The following COL27A1 variants were observed in gnomAD, a reference collection of about 807,000 sequenced individuals.
The protein encoded by COL27A1 is collagen type XXVII alpha 1 chain, also known as collagen alpha-1(XXVII) chain.
COL27A1 carries 106 observed loss-of-function variants against 251.3 expected under a neutral mutation model. The observed-to-expected ratio is 0.42, with a 90% CI of 0.36 to 0.50. COL27A1 has a LOEUF of 0.50. Among genes scored for constraint, COL27A1 ranks in the 20% least tolerant of loss-of-function variants. COL27A1 has a pLI of 0.00. For missense variants in COL27A1, 2,325 were observed against 2,522.8 expected, an observed-to-expected ratio of 0.92 and a Z score of 1.68; for synonymous variants, 1,000 against 986.3, an observed-to-expected ratio of 1.01 and a Z score of -0.26.
chr9:114,169,368 A>T lies in COL27A1; in HGVS notation c.1813A>T (p.Thr605Ser), dbSNP rs899817728. 11 of 1,611,560 alleles carry T rather than the reference A, an allele frequency of 6.8e-6. No homozygotes were observed. Among genetic ancestry groups the T allele is most frequent in the Non-Finnish European group, 9.3e-6 (11 of 1,179,438 alleles). The change falls in exon 3 of 61, where the codon ACG (threonine) becomes TCG (serine). Residue 605 changes from threonine to serine, a missense_variant. Physicochemically the swap from Thr to Ser is moderately conservative, Grantham distance 58 (BLOSUM62 1). This residue lies in a region of COL27A1 where 1,183 missense variants were observed against 1,144.1 expected (regional missense o/e 1.03). Coordinates refer to ENST00000356083, the MANE Select transcript of COL27A1 (RefSeq NM_032888.4). ...ATTCCTGTCCTCCAGCCCCCGGCCCACGAGCAGTGGCTATTCGATCTTCCA... is the reference window on the plus strand; with the variant it reads ...ATTCCTGTCCTCCAGCCCCCGGCCCTCGAGCAGTGGCTATTCGATCTTCCA... The part of the protein sequence containing the change: ...AQFLSSSPRP[T>S]SSGYSIFHLA...
At chr9:114,231,159 A>G in intron 15 of COL27A1, 27 bp downstream of exon 15, 2 of 1,611,268 alleles carry the variant, frequency 1.2e-6, no homozygotes, top group Non-Finnish European at 1.7e-6. Context: ...CCCCCGATTC[A>G]GGCCTTGTCC....
At chr9:114,287,683 G>A (rs1165551152) in intron 41 of COL27A1, among the ~76,000 whole-genome samples, 1 of 152,166 alleles carries the variant, frequency 6.6e-6, no homozygotes, top group Non-Finnish European at 1.5e-5. Context: ...AGGCGCTCCA[G>A]TCCCGCTCTG....
At chr9:114,187,047 C>T (rs554572159) in intron 5 of COL27A1, among the ~76,000 whole-genome samples, 24 of 152,360 alleles carry the variant, frequency 1.6e-4, no homozygotes, top group African/African-American at 5.8e-4. Context: ...CTGCAGTGAA[C>T]TAGCCAGGAT....
chr9:114,263,709 G>A (rs1480936220), intron 28 of COL27A1, among the ~76,000 whole-genome samples: 1 of 152,178 alleles, frequency 6.6e-6, no homozygotes, highest in Admixed American at 6.5e-5. Flanking sequence ...CAGGGACCAA[G>A]ACTCCTGTGT....
At position 114,284,563 on chromosome 9, in the gene COL27A1, AGGCCAG is replaced by A. The variant is rs1403853341; in HGVS notation, c.3934-156_3934-151del. On this transcript the variant is annotated intron_variant, in intron 40 of 60. Transcript: ENST00000356083. ...CTGGGACCAGCACGGCACATCTGGAAGGCCAGGGCCCAGACAGGCACAGACTTACTC... is the reference window on the plus strand; with the variant it reads ...CTGGGACCAGCACGGCACATCTGGAAGGCCCAGACAGGCACAGACTTACTC... Among the ~76,000 whole-genome samples, 4 of 152,360 alleles carry A rather than the reference AGGCCAG, an allele frequency of 2.6e-5. No homozygotes were observed. In the East Asian group the frequency reaches 7.7e-4, roughly 29 times the overall value.
intron 49 of COL27A1, among the ~76,000 whole-genome samples, chr9:114,295,974 A>C (rs1249729): frequency 0.41 from 62,692 of 152,060 alleles, 13,075 homozygotes; most frequent in Admixed American, 0.47. Flanking sequence ...ACAAAAGTGC[A>C]AAGACGATTC....
At chr9:114,217,847 C>T (rs1830805353) in intron 12 of COL27A1, 1 of 469,980 alleles carries the variant, frequency 2.1e-6, no homozygotes, top group East Asian at 6.9e-5. Flanking sequence ...GACGCCATGG[C>T]TCACACCTGT....
rs35446342 is a variant in COL27A1, at chr9:114,205,136, C to T, written c.2159C>T (p.Pro720Leu). The change falls in exon 8 of 61, where the codon CCC (proline) becomes CTC (leucine). Residue 720 changes from proline (P) to leucine (L), a missense_variant. By Grantham distance (98) the Pro-to-Leu change is moderately conservative. Coordinates refer to ENST00000356083, the MANE Select transcript of COL27A1 (RefSeq NM_032888.4). ...HKGYPGPAGHPGEQGQPGPEG... is the reference protein window; with the variant it reads ...HKGYPGPAGHLGEQGQPGPEG... The stretch of plus-strand genomic sequence containing the variant: ...GGCTATCCTGGACCGGCAGGGCACC[C>T]CGGAGAACAGGTGAGGGCCTCAGCC... 40 of 1,613,500 alleles carry T rather than the reference C, an allele frequency of 2.5e-5. No individual in the cohort carries two copies. The East Asian group carries it at 7.8e-4, about 31-fold the overall frequency.
intron 24 of COL27A1, 159 bp downstream of exon 24, chr9:114,246,069 G>A: frequency 1.7e-6 from 1 of 596,528 alleles, no homozygotes; most frequent in Non-Finnish European, 2.9e-6. Flanking sequence ...AATGTGGACG[G>A]TGACCCTCAG....
chr9:114,209,825 C>T, intron 11 of COL27A1, 97 bp downstream of exon 11: 1 of 1,207,958 alleles, frequency 8.3e-7, no homozygotes, highest in East Asian at 2.3e-5. Context: ...CAAGGAATTC[C>T]TCCTGGAGGA....
chr9:114,301,522 C>G, intron 54 of COL27A1, 60 bp downstream of exon 54: 2 of 1,578,402 alleles, frequency 1.3e-6, no homozygotes, highest in Non-Finnish European at 1.7e-6. Context: ...CCTGCATTCT[C>G]CTCCCGGTGG....
intron 42 of COL27A1, 66 bp from the exon 43 acceptor site, chr9:114,288,636 C>T (rs995220426): frequency 1.1e-5 from 18 of 1,570,800 alleles, no homozygotes; most frequent in Non-Finnish European, 1.6e-5. Context: ...TCGCGGCCAA[C>T]AGGGCCCAGG....
rs138742357 is a variant in COL27A1 at position 114,176,792 on chromosome 9, A to G, written c.1909-1499A>G. Among the ~76,000 whole-genome samples, 4 of 152,318 alleles carry G rather than the reference A, an allele frequency of 2.6e-5. No individual in the cohort carries two copies. In the East Asian group the frequency reaches 7.7e-4, roughly 29 times the overall value. On this transcript the variant is annotated intron_variant, in intron 3 of 60. Coordinates refer to ENST00000356083, the MANE Select transcript of COL27A1 (RefSeq NM_032888.4). ...CTCCTTCTGCTCAGGGCTCTTGCCC[A>G]GTGACCTTGGTACCCATATCTGCCT...
At chr9:114,306,220 A>ACGACCAGGATG in intron 57 of COL27A1, 1 of 255,708 alleles carries the variant, frequency 3.9e-6, no homozygotes, top group Non-Finnish European at 7.5e-6. Flanking sequence ...GCCGCTGCCG[A>ACGACCAGGATG]GTGTCCCACG....
At chr9:114,304,860 G>A (rs1304329183) in intron 57 of COL27A1, among the ~76,000 whole-genome samples, 187 bp downstream of exon 57, 1 of 152,196 alleles carries the variant, frequency 6.6e-6, no homozygotes, top group East Asian at 1.9e-4. Flanking sequence ...TGAGTCCAAG[G>A]TCCCATGGCC....
At chr9:114,209,299 G>A (rs1040152037) in intron 10 of COL27A1, 12 of 442,338 alleles carry the variant, frequency 2.7e-5, no homozygotes, top group Middle Eastern at 7.3e-4. Context: ...CAGGAGCCAC[G>A]GGCACCTACC....
At chr9:114,306,235 C>CGGTGG in intron 57 of COL27A1, 1 of 311,430 alleles carries the variant, frequency 3.2e-6, no homozygotes, top group Non-Finnish European at 6.0e-6. Context: ...CCCACGCACC[C>CGGTGG]TCGCCTACCT....
At chr9:114,256,639 G>A (rs1227796693) in intron 27 of COL27A1, among the ~76,000 whole-genome samples, 1 of 152,134 alleles carries the variant, frequency 6.6e-6, no homozygotes, top group Non-Finnish European at 1.5e-5. Context: ...CCTTGCGAGA[G>A]CAGGCAGCTA....
At chr9:114,182,566 A>C (rs1488335128) in intron 4 of COL27A1, among the ~76,000 whole-genome samples, 1 of 151,604 alleles carries the variant, frequency 6.6e-6, no homozygotes, top group East Asian at 2.0e-4. Context: ...GTGGGAGGGA[A>C]ATGCATAGCT....
Sources: allele counts gnomAD v4.1 joint callset (sites outside exome capture counted in the v4.1 genomes callset), GRCh38; gene constraint gnomAD v4.1.1; regional missense constraint gnomAD v4.1.1; transcripts MANE v1.5; gene names NCBI Gene and HGNC (gene_info 2026-07-23, HGNC 2026-07-21).